The following MTFR1 variants were observed in gnomAD, a reference collection of about 807,000 sequenced individuals.
MTFR1 encodes the protein chondrocyte protein with a poly-proline region.
In MTFR1, 28 loss-of-function variants were observed where a neutral mutation model predicts 38.8. The observed-to-expected ratio is 0.72, with a 90% CI of 0.53 to 0.99. The LOEUF (loss-of-function observed/expected upper bound fraction) is 0.99. Among genes scored for constraint, MTFR1 ranks in the 50% least tolerant of loss-of-function variants. MTFR1 has a pLI of 0.00. For missense variants in MTFR1, 358 were observed against 395.5 expected, an observed-to-expected ratio of 0.91 and a Z score of 0.81; for synonymous variants, 145 against 137.0, an observed-to-expected ratio of 1.06 and a Z score of -0.41.
At position 65,687,171 on chromosome 8, in the gene MTFR1, T is replaced by C. The variant is rs534743106; in HGVS notation, c.165+4720T>C. Among the ~76,000 whole-genome samples the C allele has an allele frequency of 4.6e-5, 7 of 152,212 alleles. No homozygotes were observed. The East Asian group carries it at 1.4e-3, about 29-fold the overall frequency. Reference sequence around the variant, plus strand: ...AATAGTGACCATGCAAGAGATACATTTACAACATGGTGACTATAGTTAACA... The same window carrying C: ...AATAGTGACCATGCAAGAGATACATCTACAACATGGTGACTATAGTTAACA... On this transcript the variant is annotated intron_variant, in intron 3 of 7. Coordinates refer to ENST00000262146, the MANE Select transcript of MTFR1 (RefSeq NM_014637.4).
At chr8:65,712,680 A>C (rs888943452), downstream of MTFR1, among the ~76,000 whole-genome samples, 4 of 152,188 alleles carry the variant, frequency 2.6e-5, no homozygotes, top group Non-Finnish European at 4.4e-5. Flanking sequence ...AGGTCTGACA[A>C]GCTGTAAAGA....
chr8:65,709,093 G>C lies in MTFR1; in HGVS notation c.*49G>C. ...TCCTGGTTCCCCTGTTGATTTGTGA[G>C]GGCCAAGTTTGCTAGTAGAAATCGA... On this transcript the variant is annotated 3_prime_UTR_variant, in exon 8 of 8. Transcript: ENST00000262146. 1 of 1,558,280 alleles carries C rather than the reference G, an allele frequency of 6.4e-7. No homozygotes were observed.
intron 1 of MTFR1, among the ~76,000 whole-genome samples, chr8:65,659,485 A>T (rs1387569079): frequency 7.0e-6 from 1 of 143,622 alleles, no homozygotes; most frequent in African/African-American, 2.6e-5. Context: ...TCACTCCCCC[A>T]TAGGCTGGGG....
At chr8:65,682,929 G>A (rs538047322) in intron 3 of MTFR1, 2 of 985,130 alleles carry the variant, frequency 2.0e-6, no homozygotes, top group African/African-American at 1.7e-5. Context: ...GGCAATGACA[G>A]TGTCAAGACA....
chr8:65,730,507 C>T (rs1166198430), intron 3 of MTFR1, among the ~76,000 whole-genome samples: 1 of 152,060 alleles, frequency 6.6e-6, no homozygotes, highest in Non-Finnish European at 1.5e-5. Context: ...AATCTAATGC[C>T]TGATGATCTG....
intron 1 of MTFR1, among the ~76,000 whole-genome samples, chr8:65,662,448 C>A (rs1318401311): frequency 6.6e-6 from 1 of 150,678 alleles, no homozygotes; most frequent in East Asian, 1.9e-4. Flanking sequence ...GGGCTCGATA[C>A]AACCTCCACC....
intron 1 of MTFR1, among the ~76,000 whole-genome samples, chr8:65,658,773 A>G (rs752309193): frequency 3.9e-5 from 6 of 152,210 alleles, no homozygotes; most frequent in Non-Finnish European, 7.3e-5. Flanking sequence ...ATTGCCACAA[A>G]GCAAATATCC....
intron 3 of MTFR1, among the ~76,000 whole-genome samples, chr8:65,734,002 G>A (rs548329208): frequency 1.6e-4 from 25 of 152,252 alleles, no homozygotes; most frequent in Admixed American, 5.2e-4. Context: ...AACACCTGCA[G>A]ACAATGATTC....
chr8:65,702,301 T>C (rs565598327), intron 4 of MTFR1, among the ~76,000 whole-genome samples: 231 of 143,792 alleles, frequency 1.6e-3, no homozygotes, highest in South Asian at 0.016. Context: ...TTCTTTCTTT[T>C]TTTTTTTTTT....
intron 3 of MTFR1, among the ~76,000 whole-genome samples, chr8:65,766,313 A>C (rs1007961404): frequency 2.1e-4 from 32 of 152,238 alleles, no homozygotes; most frequent in African/African-American, 7.7e-4. Flanking sequence ...AGGACTCAAA[A>C]TATCTTATTT....
At chr8:65,673,925 A>G (rs1216496533) in intron 2 of MTFR1, among the ~76,000 whole-genome samples, 1 of 152,180 alleles carries the variant, frequency 6.6e-6, no homozygotes, top group Non-Finnish European at 1.5e-5. Context: ...ATAGTAATGC[A>G]TAAGTTTGAA....
At chr8:65,694,443 A>G (rs1362667894) in intron 4 of MTFR1, among the ~76,000 whole-genome samples, 1 of 152,092 alleles carries the variant, frequency 6.6e-6, no homozygotes, top group Non-Finnish European at 1.5e-5. Context: ...CGTTTTCAAG[A>G]CTTGACTAGT....
At chr8:65,767,981 C>A (rs534023363) in intron 3 of MTFR1, among the ~76,000 whole-genome samples, 1 of 152,182 alleles carries the variant, frequency 6.6e-6, no homozygotes, top group South Asian at 2.1e-4. Context: ...GGCTGGGAGG[C>A]AGGTTTAGGA....
chr8:65,735,241 C>T (rs996185586), intron 3 of MTFR1, among the ~76,000 whole-genome samples: 7 of 152,084 alleles, frequency 4.6e-5, no homozygotes, highest in South Asian at 2.1e-4. Flanking sequence ...GCCGAGTGAG[C>T]GGGACAGACC....
chr8:65,774,979 C>A (rs978641007), downstream of MTFR1, among the ~76,000 whole-genome samples: 15 of 152,188 alleles, frequency 9.9e-5, no homozygotes, highest in African/African-American at 2.7e-4. Context: ...ACAGACCGCA[C>A]TTTAAGTACT....
At chr8:65,691,374 G>A (rs954218836) in intron 3 of MTFR1, among the ~76,000 whole-genome samples, 1 of 151,984 alleles carries the variant, frequency 6.6e-6, no homozygotes, top group Non-Finnish European at 1.5e-5. Flanking sequence ...TGCAGCCTCT[G>A]CCTCCTGGGT....
intron 3 of MTFR1, among the ~76,000 whole-genome samples, chr8:65,691,185 C>G (rs1411474867): frequency 6.6e-6 from 1 of 152,202 alleles, no homozygotes; most frequent in Non-Finnish European, 1.5e-5. Context: ...CCTCATCTGA[C>G]TACAAATTAC....
chr8:65,710,718 A>AAGAG (rs1805920089), downstream of MTFR1, among the ~76,000 whole-genome samples: 1 of 148,114 alleles, frequency 6.8e-6, no homozygotes, highest in East Asian at 1.9e-4. Flanking sequence ...TTCTCATATA[A>AAGAG]AGAGATCTCA....
intron 3 of MTFR1, chr8:65,747,634 TA>T (rs529267967): frequency 2.1e-5 from 32 of 1,545,812 alleles, no homozygotes; most frequent in Non-Finnish European, 2.6e-5. Flanking sequence ...AATGTTTTCT[TA>T]AAAAAACTAT....
Sources: gnomAD v4.1 joint callset for allele counts (sites outside exome capture counted in the v4.1 genomes callset) on GRCh38, gnomAD v4.1.1 for gene constraint, MANE v1.5 for transcripts, NCBI Gene and HGNC (gene_info 2026-07-23, HGNC 2026-07-21) for gene names.